Variants in UBN1 observed in about 807,000 individuals in gnomAD.
UBN1 encodes the protein ubinuclein-1.
In UBN1, 17 loss-of-function variants were observed where a neutral mutation model predicts 108.5. The observed-to-expected ratio is 0.16, with a 90% CI of 0.11 to 0.24. The LOEUF is 0.24. UBN1 is among the 10% of genes least tolerant of loss of function. UBN1 has a pLI of 1.00. For missense variants in UBN1, 1,595 were observed against 1,394.4 expected, an observed-to-expected ratio of 1.14 and a Z score of -2.29; for synonymous variants, 726 against 564.2, an observed-to-expected ratio of 1.29 and a Z score of -4.07.
intron 7 of UBN1, 93 bp from the exon 8 acceptor site, chr16:4,868,740 C>T (rs2087458667): frequency 9.4e-6 from 12 of 1,282,538 alleles, no homozygotes; most frequent in Non-Finnish European, 1.3e-5. Context: ...GACAGGTGCT[C>T]TTTATGGAGC....
At chr16:4,863,689 C>CT (rs2087177774) in intron 7 of UBN1, among the ~76,000 whole-genome samples, 1 of 152,146 alleles carries the variant, frequency 6.6e-6, no homozygotes, top group African/African-American at 2.4e-5. Context: ...AAATCAGTTT[C>CT]TATCACTGTC....
intron 7 of UBN1, among the ~76,000 whole-genome samples, chr16:4,867,007 C>A (rs2087367042): frequency 6.6e-6 from 1 of 152,170 alleles, no homozygotes; most frequent in Admixed American, 6.5e-5. Context: ...GCTTCGCCGG[C>A]CTCCTGGGGA....
intron 6 of UBN1, 37 bp from the exon 7 acceptor site, chr16:4,860,627 C>T: frequency 6.3e-7 from 1 of 1,580,058 alleles, no homozygotes; most frequent in African/African-American, 1.4e-5. Context: ...TGGAGGTGTC[C>T]TATAGTCTGA....
chr16:4,875,524 T>C, intron 15 of UBN1, 90 bp downstream of exon 15: 984 of 1,309,162 alleles, frequency 7.5e-4, no homozygotes, highest in Non-Finnish European at 9.5e-4. Context: ...GAGAGTGAGA[T>C]CTAAAACCAC....
At chr16:4,850,073 A>G (rs181997513) in intron 1 of UBN1, among the ~76,000 whole-genome samples, 3 of 152,010 alleles carry the variant, frequency 2.0e-5, no homozygotes, top group Admixed American at 6.5e-5. Flanking sequence ...ACTTAATTAT[A>G]TTTTCTTAAG....
At chr16:4,848,901 G>A (rs1270855841) in intron 1 of UBN1, among the ~76,000 whole-genome samples, 1 of 152,156 alleles carries the variant, frequency 6.6e-6, no homozygotes, top group Non-Finnish European at 1.5e-5. Flanking sequence ...AGGAGTTCGA[G>A]ACCAGCCTGG....
In UBN1 at chr16:4,880,225, C is replaced by G; in HGVS notation, c.*93C>G. ...TACACTCACTGCGCCCTTTCTGCTG[C>G]TTGGTGTTCTTCTGGAGGAGCGTGA... is the stretch of plus-strand genomic sequence containing the variant. On this transcript the variant is annotated 3_prime_UTR_variant, in exon 18 of 18. Transcript: ENST00000262376. The G allele has an allele frequency of 1.4e-6, 2 of 1,400,256 alleles. No individual in the cohort carries two copies. The highest frequency in any genetic ancestry group is 2.0e-6 in the Non-Finnish European group (2 of 987,662). The allele number at this position is 1,400,256 out of a possible 1,614,324, so 86.7% of individuals were successfully genotyped here.
chr16:4,861,345 T>G (rs980981527), intron 7 of UBN1, among the ~76,000 whole-genome samples: 28 of 152,248 alleles, frequency 1.8e-4, no homozygotes, highest in Admixed American at 1.2e-3. Context: ...CTGGGGAGAT[T>G]GTTCTCTTTC....
chr16:4,866,559 C>T (rs1280559281), intron 7 of UBN1, among the ~76,000 whole-genome samples: 1 of 152,248 alleles, frequency 6.6e-6, no homozygotes, highest in Admixed American at 6.5e-5. Context: ...GTCACCCAGG[C>T]TGGAGTGCAG....
In UBN1 at chr16:4,877,798, TA is replaced by T. The variant is rs34192021; in HGVS notation, c.3355+339del. Reference sequence around the variant, plus strand: ...TCGGCTTGTTTTTTTCTCTTCAGTTTAAAAAAAAAAAAAAAGGGAAGGTAAT... The same window carrying T: ...TCGGCTTGTTTTTTTCTCTTCAGTTTAAAAAAAAAAAAAAGGGAAGGTAAT... On this transcript the variant is annotated intron_variant, in intron 17 of 17. Coordinates refer to ENST00000262376, the MANE Select transcript of UBN1 (RefSeq NM_001079514.3). This position sits in a 1 kb window ranked among gnomAD's most constrained non-coding sequence, Gnocchi z 4.3. 0.09 allele frequency: 74,789 copies of T among 833,332 alleles called. No individual in the cohort carries two copies. The highest frequency in any genetic ancestry group is 0.098 in the Non-Finnish European group (67,716 of 691,624). The allele number at this position is 833,332 out of a possible 1,614,324, so 51.6% of individuals were successfully genotyped here. A position where few individuals can be genotyped will look rare whatever the true frequency, so the allele number is the denominator to read the frequency against.
chr16:4,861,377 C>T (rs558268546), intron 7 of UBN1, among the ~76,000 whole-genome samples: 9 of 152,324 alleles, frequency 5.9e-5, no homozygotes, highest in East Asian at 1.9e-4. Flanking sequence ...AGTTTGTTTT[C>T]CACACGGCAT....
At chr16:4,849,473 G>A (rs1203019178) in intron 1 of UBN1, among the ~76,000 whole-genome samples, 1 of 150,688 alleles carries the variant, frequency 6.6e-6, no homozygotes. Context: ...TGTTTAGAAG[G>A]AGATATATAT....
intron 7 of UBN1, among the ~76,000 whole-genome samples, chr16:4,861,707 C>T (rs1046387953): frequency 2.0e-5 from 3 of 152,196 alleles, no homozygotes; most frequent in Non-Finnish European, 4.4e-5. Flanking sequence ...TTTGGGAGGC[C>T]GAGGTGGGCG....
rs762585607 is a variant in UBN1 at position 4,877,358 on chromosome 16, CTTTTCTCCCCTCCTG to C, written c.3266-19_3266-5del. On this transcript the variant is annotated splice_polypyrimidine_tract_variant and intron_variant, in intron 16 of 17. Coordinates refer to ENST00000262376, the MANE Select transcript of UBN1 (RefSeq NM_001079514.3). This position sits in a 1 kb window ranked among gnomAD's most constrained non-coding sequence, Gnocchi z 4.3. ...CTGTCTTCAATGTGTGTGTTTTGTT[CTTTTCTCCCCTCCTG>C]TTTTCTCTCAGGTCTTCTGGCTGGC... 4 of 1,597,642 alleles carry C rather than the reference CTTTTCTCCCCTCCTG, an allele frequency of 2.5e-6. No individual in the cohort carries two copies. The East Asian group carries it at 9.0e-5, about 36-fold the overall frequency.
chr16:4,879,406 A>G (rs78115473), intron 17 of UBN1, among the ~76,000 whole-genome samples: 9,289 of 151,542 alleles, frequency 0.061, 358 homozygotes, highest in Non-Finnish European at 0.074. Context: ...GCTTGTGAAT[A>G]GCTGCTGTAC....
In UBN1 at chr16:4,858,086, C is replaced by T; in HGVS notation, c.336+10C>T. The T allele has an allele frequency of 4.4e-6, 7 of 1,590,476 alleles. No individual in the cohort carries two copies. Among genetic ancestry groups the T allele is most frequent in the Non-Finnish European group, 6.0e-6 (7 of 1,160,096 alleles). On this transcript the variant is annotated intron_variant, in intron 3 of 17. Transcript: ENST00000262376. ...ATTTGAAGAAAAATACGTAAGATTT[C>T]TCTCTTGAATAACAAAACAACCTCA...
chr16:4,866,343 C>T (rs560227520), intron 7 of UBN1, among the ~76,000 whole-genome samples: 2 of 152,196 alleles, frequency 1.3e-5, no homozygotes, highest in Admixed American at 6.5e-5. Context: ...TGCGCATTTT[C>T]TTCTGACTTA....
chr16:4,860,467 C>G (rs1287086560), intron 6 of UBN1, among the ~76,000 whole-genome samples, 197 bp from the exon 7 acceptor site: 1 of 152,200 alleles, frequency 6.6e-6, no homozygotes, highest in African/African-American at 2.4e-5. Flanking sequence ...CACTGTGTTG[C>G]TAACCTGTAT....
chr16:4,856,118 G>T (rs773824698), intron 2 of UBN1, among the ~76,000 whole-genome samples: 6 of 152,192 alleles, frequency 3.9e-5, no homozygotes, highest in Non-Finnish European at 5.9e-5. Flanking sequence ...TCCTTTAGAG[G>T]AAGAGACAGG....
Sources: gnomAD v4.1 joint callset for allele counts (sites outside exome capture counted in the v4.1 genomes callset) on GRCh38, gnomAD v4.1.1 for gene constraint, Gnocchi (gnomAD v3.1) non-coding constraint, MANE v1.5 for transcripts, NCBI Gene and HGNC (gene_info 2026-07-23, HGNC 2026-07-21) for gene names.